CDK14: variants seen among roughly 807,000 people sequenced by gnomAD.
CDK14 encodes the protein cyclin-dependent kinase 14.
In CDK14, 34 loss-of-function variants were observed where a neutral mutation model predicts 60.7. The ratio of observed to expected loss-of-function variants is 0.56; its 90% confidence interval spans 0.43 to 0.75. CDK14 has a LOEUF of 0.75. Ranked by LOEUF, CDK14 falls within the 30% of genes least tolerant of loss-of-function variation. The pLI, the probability that CDK14 is intolerant of heterozygous loss-of-function variation, is 0.00. For missense variants in CDK14, 482 were observed against 564.1 expected, an observed-to-expected ratio of 0.85 and a Z score of 1.47; for synonymous variants, 197 against 203.7, an observed-to-expected ratio of 0.97 and a Z score of 0.28.
At chr7:91,084,266 A>T (rs1313731385) in intron 12 of CDK14, among the ~76,000 whole-genome samples, 1 of 152,204 alleles carries the variant, frequency 6.6e-6, no homozygotes, top group African/African-American at 2.4e-5. Context: ...GGGTGGGGAT[A>T]TCTCTTCTGG....
At chr7:90,940,908 C>T (rs1299479039) in intron 8 of CDK14, among the ~76,000 whole-genome samples, 3 of 152,170 alleles carry the variant, frequency 2.0e-5, no homozygotes. Flanking sequence ...ACTGGTCACT[C>T]TGAAACTTCT....
At chr7:90,736,308 T>C (rs1218460704) in intron 3 of CDK14, among the ~76,000 whole-genome samples, 3 of 149,698 alleles carry the variant, frequency 2.0e-5, no homozygotes, top group Non-Finnish European at 3.0e-5. Flanking sequence ...CTTTTTGTTC[T>C]CTCCCCTGTT....
chr7:90,743,345 A>G (rs1038401254), intron 3 of CDK14, among the ~76,000 whole-genome samples: 7 of 152,150 alleles, frequency 4.6e-5, no homozygotes, highest in African/African-American at 1.7e-4. Context: ...GTTGTTAATT[A>G]TAGTCTTAAT....
chr7:90,808,793 C>CA (rs904264914), intron 5 of CDK14, among the ~76,000 whole-genome samples: 7 of 151,416 alleles, frequency 4.6e-5, no homozygotes, highest in Admixed American at 3.9e-4. Flanking sequence ...AAATGAAAAA[C>CA]AAAAAAAGGC....
chr7:90,698,741 C>T (rs149673868), intron 2 of CDK14, among the ~76,000 whole-genome samples: 78 of 152,204 alleles, frequency 5.1e-4, no homozygotes, highest in African/African-American at 1.8e-3. Context: ...TGAGTGTTCC[C>T]CTCTTCTAGC....
At chr7:91,105,958 C>A (rs754111390) in intron 12 of CDK14, among the ~76,000 whole-genome samples, 4 of 152,024 alleles carry the variant, frequency 2.6e-5, no homozygotes, top group Non-Finnish European at 5.9e-5. Context: ...AGCGATGGCT[C>A]TGAAGTAATT....
At chr7:90,998,867 C>T (rs150629142) in intron 10 of CDK14, among the ~76,000 whole-genome samples, 4,214 of 151,724 alleles carry the variant, frequency 0.028, 196 homozygotes, top group East Asian at 0.18. Flanking sequence ...CCAGCCTGGG[C>T]GACAGAGTGA....
intron 14 of CDK14, among the ~76,000 whole-genome samples, chr7:91,145,381 A>G (rs1800593945): frequency 6.6e-6 from 1 of 152,238 alleles, no homozygotes; most frequent in South Asian, 2.1e-4. Flanking sequence ...TGCAGCCTAC[A>G]AGCTGTTCTA....
intron 4 of CDK14, 102 bp from the exon 5 acceptor site, chr7:90,790,471 C>A: frequency 1.5e-6 from 1 of 672,168 alleles, no homozygotes; most frequent in Non-Finnish European, 2.4e-6. Context: ...ACATTTTTAG[C>A]ATAAAAGTGA....
At chr7:90,999,049 C>T (rs1795768284) in intron 10 of CDK14, among the ~76,000 whole-genome samples, 1 of 152,096 alleles carries the variant, frequency 6.6e-6, no homozygotes, top group African/African-American at 2.4e-5. Context: ...AGCTCCGGTT[C>T]TCTTTTTCTC....
intron 4 of CDK14, among the ~76,000 whole-genome samples, chr7:90,783,438 T>G (rs1805428694): frequency 6.6e-6 from 1 of 152,110 alleles, no homozygotes; most frequent in Non-Finnish European, 1.5e-5. Context: ...CTTTTAGTAG[T>G]AAGCGTCTAC....
chr7:90,731,724 C>G (rs1157599046), intron 3 of CDK14, among the ~76,000 whole-genome samples: 1 of 152,186 alleles, frequency 6.6e-6, no homozygotes, highest in Non-Finnish European at 1.5e-5. Context: ...TGCTTATCAG[C>G]TTAAGGAGAT....
chr7:90,979,045 A>G (rs540948247), intron 9 of CDK14, among the ~76,000 whole-genome samples: 80 of 152,282 alleles, frequency 5.3e-4, no homozygotes, highest in Non-Finnish European at 7.2e-4. Context: ...GTTTTGCAGG[A>G]CATGTGGTTT....
At chr7:90,647,978 G>A (rs1429678206) in intron 2 of CDK14, among the ~76,000 whole-genome samples, 2 of 152,312 alleles carry the variant, frequency 1.3e-5, no homozygotes, top group East Asian at 3.9e-4. Flanking sequence ...AAGAATGAGA[G>A]AATTTATAAT....
chr7:91,014,071 G>A (rs1318678163), intron 10 of CDK14, among the ~76,000 whole-genome samples: 1 of 151,914 alleles, frequency 6.6e-6, no homozygotes, highest in East Asian at 1.9e-4. Context: ...CACACTAGAT[G>A]ACATCTCTTG....
At chr7:90,924,677 A>G (rs1562830436) in intron 8 of CDK14, among the ~76,000 whole-genome samples, 1 of 152,242 alleles carries the variant, frequency 6.6e-6, no homozygotes, top group Non-Finnish European at 1.5e-5. Flanking sequence ...GGGAAATGTA[A>G]GACATGCTGT....
chr7:90,600,378 C>T (rs941608188), intron 1 of CDK14, among the ~76,000 whole-genome samples: 3 of 151,880 alleles, frequency 2.0e-5, no homozygotes, highest in Admixed American at 2.0e-4. Flanking sequence ...ATGTAATATC[C>T]GGTGTATGAT....
At chr7:91,073,714 A>G (rs1327960627) in intron 11 of CDK14, among the ~76,000 whole-genome samples, 2 of 152,136 alleles carry the variant, frequency 1.3e-5, no homozygotes, top group African/African-American at 2.4e-5. Context: ...GGCAAACTGG[A>G]TAAAGAATCA....
At chr7:90,966,520 A>G (rs1461690153) in intron 9 of CDK14, among the ~76,000 whole-genome samples, 2 of 152,138 alleles carry the variant, frequency 1.3e-5, no homozygotes, top group African/African-American at 2.4e-5. Context: ...GCAGAGTGGA[A>G]AGGGGAGCTG....
Sources: allele counts gnomAD v4.1 joint callset (sites outside exome capture counted in the v4.1 genomes callset), GRCh38; gene constraint gnomAD v4.1.1; transcripts MANE v1.5; gene names NCBI Gene and HGNC (gene_info 2026-07-23, HGNC 2026-07-21).